The following ARHGAP26 variants were observed in gnomAD, a reference collection of about 807,000 sequenced individuals.
ARHGAP26 encodes the protein Rho GTPase activating protein 26.
A neutral mutation model predicts 104.8 loss-of-function variants in ARHGAP26; 38 were observed. The ratio of observed to expected loss-of-function variants is 0.36; its 90% CI spans 0.28 to 0.48. ARHGAP26 has a LOEUF of 0.48. ARHGAP26 is among the 20% of genes least tolerant of loss of function. The pLI is 0.99. For synonymous variants in ARHGAP26, 341 were observed against 340.0 expected, an observed-to-expected ratio of 1.00 and a Z score of -0.03; for missense variants, 704 against 947.9, an observed-to-expected ratio of 0.74 and a Z score of 3.38.
chr5:143,003,635 G>A lies in ARHGAP26; in HGVS notation c.1108-10445G>A, dbSNP rs116088779. ...AATATAGACTGTAGGAGCAGTAAGAGATCAAAGAAACGAGAGATTAAGGTT... is the reference window on the plus strand; with the variant it reads ...AATATAGACTGTAGGAGCAGTAAGAAATCAAAGAAACGAGAGATTAAGGTT... On this transcript the variant is annotated intron_variant, in intron 11 of 22. Coordinates refer to ENST00000645722, the MANE Select transcript of ARHGAP26 (RefSeq NM_001135608.3). Among the ~76,000 whole-genome samples, 1,084 of 152,264 alleles carry A rather than the reference G, an allele frequency of 7.1e-3. 18 individuals carry two copies. The highest frequency in any genetic ancestry group is 0.025 in the African/African-American group (1,044 of 41,554).
intron 11 of ARHGAP26, among the ~76,000 whole-genome samples, chr5:142,975,773 G>C (rs1386259749): frequency 6.6e-6 from 1 of 152,180 alleles, no homozygotes; most frequent in Non-Finnish European, 1.5e-5. Flanking sequence ...GATAAAAGTA[G>C]CTCCAGTCTT....
intron 19 of ARHGAP26, among the ~76,000 whole-genome samples, chr5:143,141,009 C>A (rs1798456700): frequency 6.6e-6 from 1 of 152,200 alleles, no homozygotes; most frequent in Non-Finnish European, 1.5e-5. Context: ...GTAGCATGTG[C>A]CCTTTCTCAG....
At chr5:142,844,218 T>G (rs1195697009) in intron 1 of ARHGAP26, among the ~76,000 whole-genome samples, 1 of 151,766 alleles carries the variant, frequency 6.6e-6, no homozygotes, top group East Asian at 2.0e-4. Context: ...ACCTGGCTGA[T>G]TTTTGTATTT....
At chr5:142,952,513 T>A (rs1229543412) in intron 11 of ARHGAP26, among the ~76,000 whole-genome samples, 3 of 152,146 alleles carry the variant, frequency 2.0e-5, no homozygotes, top group Non-Finnish European at 4.4e-5. Context: ...CTTGATACCT[T>A]GGTGGAGGTG....
intron 22 of ARHGAP26, chr5:143,216,356 G>T (rs536347113): frequency 4.3e-6 from 2 of 465,344 alleles, no homozygotes; most frequent in African/African-American, 2.0e-5. Flanking sequence ...TTGAAAAACG[G>T]AAATGGCATT....
intron 11 of ARHGAP26, among the ~76,000 whole-genome samples, chr5:142,973,479 A>G (rs1772579135): frequency 6.6e-6 from 1 of 152,234 alleles, no homozygotes; most frequent in Non-Finnish European, 1.5e-5. Context: ...ATACTCAAAA[A>G]TCGTTGAAAT....
chr5:142,802,426 C>T lies in ARHGAP26; in HGVS notation c.154+31511C>T, dbSNP rs571849127. 9.8e-4 allele frequency among the ~76,000 whole-genome samples: 149 copies of T among 152,236 alleles called. 1 individual carries two copies. The highest frequency in any genetic ancestry group is 1.5e-3 in the Non-Finnish European group (100 of 68,018). ...ACAGTAAGTCCTCACTTAACATTGT[C>T]GGTAGGTTCTTGGAAACTGTGGCTT... On this transcript the variant is annotated intron_variant, in intron 1 of 22. Transcript: ENST00000645722.
At chr5:143,093,902 A>C (rs1791861044) in intron 17 of ARHGAP26, among the ~76,000 whole-genome samples, 1 of 152,010 alleles carries the variant, frequency 6.6e-6, no homozygotes, top group South Asian at 2.1e-4. Context: ...TAGAGGTTCA[A>C]CTCCCACTTC....
At chr5:143,076,025 GCT>G (rs1221108565) in intron 17 of ARHGAP26, among the ~76,000 whole-genome samples, 1 of 151,878 alleles carries the variant, frequency 6.6e-6, no homozygotes, top group Non-Finnish European at 1.5e-5. Context: ...TTTGAAACAA[GCT>G]CTCACTCTGT....
intron 1 of ARHGAP26, among the ~76,000 whole-genome samples, chr5:142,847,149 G>T (rs939854728): frequency 1.2e-4 from 19 of 152,174 alleles, no homozygotes; most frequent in Non-Finnish European, 4.4e-5. Flanking sequence ...AACAGTGCCT[G>T]TCTCATGGGA....
In ARHGAP26 at chr5:143,224,760, C is replaced by T. The variant is rs1488301048; in HGVS notation, c.*2314C>T. On this transcript the variant is annotated 3_prime_UTR_variant, in exon 23 of 23. Transcript: ENST00000645722. ...CTCCTAAACATTTTAAAACTCTTCC[C>T]TTTCACCTCCAATTCCCGTGATCCC... 4.4e-6 allele frequency: 1 copy of T among 228,178 alleles called. No homozygotes were observed. Among genetic ancestry groups the T allele is most frequent in the Non-Finnish European group, 8.7e-6 (1 of 115,012 alleles). 14.1% of individuals were successfully genotyped at this position (228,178 alleles called of 1,614,324 possible).
chr5:143,146,813 A>G (rs374312772), intron 19 of ARHGAP26, among the ~76,000 whole-genome samples: 114 of 152,350 alleles, frequency 7.5e-4, no homozygotes, highest in Middle Eastern at 6.8e-3. Context: ...TTAGAGCAAT[A>G]TTAGAGGCAG....
At position 142,903,560 on chromosome 5, in the gene ARHGAP26, C is replaced by T. The variant is rs1449995715; in HGVS notation, c.723C>T (p.Gly241=). ...CCTAGACAAGAAATCGCTTTGAAGG[C>T]ACTAGATCAGAAGTGGAATCACTGA... ...SIQNTRNRFE[G]TRSEVESLMK... Residue 241 remains glycine, a synonymous_variant, in exon 8 of 23, where the codon GGC becomes GGT. Transcript: ENST00000645722. 7.4e-6 allele frequency: 12 copies of T among 1,613,054 alleles called. No individual in the cohort carries two copies. Among genetic ancestry groups the T allele is most frequent in the Non-Finnish European group, 1.0e-5 (12 of 1,179,640 alleles).
intron 17 of ARHGAP26, among the ~76,000 whole-genome samples, chr5:143,113,044 T>TA (rs1429223468): frequency 1.3e-5 from 2 of 152,206 alleles, no homozygotes; most frequent in African/African-American, 4.8e-5. Flanking sequence ...TACTGGATGC[T>TA]AAAGAGTTTC....
At chr5:142,864,786 A>G (rs374167379) in intron 1 of ARHGAP26, among the ~76,000 whole-genome samples, 6 of 152,336 alleles carry the variant, frequency 3.9e-5, no homozygotes, top group African/African-American at 1.4e-4. Flanking sequence ...CCTGTGAGGT[A>G]CATACTGTCC....
intron 22 of ARHGAP26, among the ~76,000 whole-genome samples, chr5:143,218,382 G>C (rs1266006851): frequency 1.3e-5 from 2 of 152,228 alleles, no homozygotes; most frequent in Admixed American, 1.3e-4. Flanking sequence ...CTATGTGCAA[G>C]GACCTAGCAT....
chr5:143,031,293 CTCTGATTTTGTCA>C (rs1416957377), intron 12 of ARHGAP26, among the ~76,000 whole-genome samples: 5 of 152,314 alleles, frequency 3.3e-5, no homozygotes, highest in African/African-American at 1.2e-4. Flanking sequence ...AGGTGATATG[CTCTGATTTTGTCA>C]AGACCATAGG....
intron 1 of ARHGAP26, among the ~76,000 whole-genome samples, chr5:142,865,569 GA>G (rs1211758640): frequency 2.0e-5 from 3 of 148,758 alleles, no homozygotes; most frequent in African/African-American, 7.4e-5. Context: ...TCCAAGTTGA[GA>G]GGTGTTGCCT....
At chr5:142,914,384 A>G (rs1241382160) in intron 10 of ARHGAP26, among the ~76,000 whole-genome samples, 3 of 152,254 alleles carry the variant, frequency 2.0e-5, no homozygotes, top group African/African-American at 7.2e-5. Context: ...CCTGGGTTCA[A>G]ATTTTGACTT....
Sources: gnomAD v4.1 joint callset for allele counts (sites outside exome capture counted in the v4.1 genomes callset) on GRCh38, gnomAD v4.1.1 for gene constraint, MANE v1.5 for transcripts, NCBI Gene and HGNC (gene_info 2026-07-23, HGNC 2026-07-21) for gene names.